SLC6A4: variants seen among roughly 807,000 people sequenced by gnomAD.
The protein encoded by SLC6A4 is sodium-dependent serotonin transporter.
In SLC6A4, 22 loss-of-function variants were observed where a neutral mutation model predicts 73.4. The ratio of observed to expected loss-of-function variants is 0.30; its 90% CI spans 0.21 to 0.43. The LOEUF is 0.43. Ranked by LOEUF, SLC6A4 falls within the 20% of genes least tolerant of loss-of-function variation. SLC6A4 has a pLI of 1.00. For synonymous variants in SLC6A4, 270 were observed against 315.5 expected (o/e 0.86, Z 1.53); for missense variants, 593 against 808.5 (o/e 0.73, Z 3.23).
intron 1 of SLC6A4, among the ~76,000 whole-genome samples, chr17:30,233,027 C>T (rs1372053280): frequency 1.3e-5 from 2 of 152,206 alleles, no homozygotes; most frequent in South Asian, 2.1e-4. Flanking sequence ...CATCTGTTTT[C>T]CCCTGGGTCC....
Position 30,217,292 on chromosome 17 carries a change from C to T in SLC6A4, c.711G>A (p.Leu237=), listed in dbSNP as rs1212190820. ...GGAGCCCCTTAGACCGGTGGATCTGCAGGACGTGGCGCCTGGGGTGAAGGA... is the reference window on the plus strand; with the variant it reads ...GGAGCCCCTTAGACCGGTGGATCTGTAGGACGTGGCGCCTGGGGTGAAGGA... The part of the protein sequence containing the change: ...PAEEFYTRHV[L]QIHRSKGLQD... The change falls in exon 6 of 15, where the codon CTG becomes CTA. Residue 237 remains leucine, a synonymous_variant. Coordinates refer to ENST00000650711, the MANE Select transcript of SLC6A4 (RefSeq NM_001045.6). The T allele has an allele frequency of 3.1e-6, 5 of 1,613,632 alleles. No individual in the cohort carries two copies. The East Asian group carries it at 1.1e-4, about 36-fold the overall frequency.
intron 3 of SLC6A4, among the ~76,000 whole-genome samples, chr17:30,219,470 T>C (rs1262612564): frequency 6.6e-6 from 1 of 152,202 alleles, no homozygotes; most frequent in African/African-American, 2.4e-5. Flanking sequence ...TGTGACAATC[T>C]GTAGCAACAG....
rs775283583 is a variant in SLC6A4, at chr17:30,217,235, G to A, written c.768C>T (p.Ala256=). ...QDLGGISWQL[A]LCIMLIFTVI... ...CAGTGAAGATCAGCATGATGCAGAGGGCCAGCTGCCAGCTGATGCCCCCCA... is the reference window on the plus strand; with the variant it reads ...CAGTGAAGATCAGCATGATGCAGAGAGCCAGCTGCCAGCTGATGCCCCCCA... Residue 256 remains alanine, a synonymous_variant, in exon 6 of 15, where the codon GCC becomes GCT. Coordinates refer to ENST00000650711, the MANE Select transcript of SLC6A4 (RefSeq NM_001045.6). 7 of 1,614,012 alleles carry A rather than the reference G, an allele frequency of 4.3e-6. No homozygotes were observed. The highest frequency in any genetic ancestry group is 4.5e-5 in the East Asian group (2 of 44,890).
At chr17:30,225,681 T>C (rs923849695) in intron 1 of SLC6A4, among the ~76,000 whole-genome samples, 4 of 152,180 alleles carry the variant, frequency 2.6e-5, no homozygotes, top group Non-Finnish European at 4.4e-5. Context: ...TGTTCCAGGC[T>C]GAGCTGGTGA....
intron 14 of SLC6A4, among the ~76,000 whole-genome samples, chr17:30,200,964 T>C (rs1033194779): frequency 6.6e-6 from 1 of 152,070 alleles, no homozygotes; most frequent in Non-Finnish European, 1.5e-5. Context: ...GCATTTTTAG[T>C]AGAGACGGGG....
intron 1 of SLC6A4, among the ~76,000 whole-genome samples, chr17:30,229,613 T>C (rs1003311507): frequency 1.3e-5 from 2 of 152,100 alleles, no homozygotes; most frequent in Non-Finnish European, 2.9e-5. Context: ...GAGATCTCGC[T>C]ATGTTGCCCA....
At chr17:30,209,042 G>T in intron 12 of SLC6A4, 101 bp downstream of exon 12, 1 of 785,558 alleles carries the variant, frequency 1.3e-6, no homozygotes. Context: ...GTCACATCTT[G>T]TAAACTGCCC....
intron 6 of SLC6A4, among the ~76,000 whole-genome samples, chr17:30,216,843 TTTTGTTTG>T (rs147069304): frequency 0.014 from 2,050 of 148,476 alleles, 46 homozygotes; most frequent in African/African-American, 0.048. Context: ...TATTGTTTTT[TTTTGTTTG>T]TTTGTTTGTT....
intron 1 of SLC6A4, among the ~76,000 whole-genome samples, chr17:30,230,320 T>C (rs1436269315): frequency 1.3e-5 from 2 of 152,146 alleles, no homozygotes; most frequent in Admixed American, 1.3e-4. Context: ...ACAGATGATG[T>C]GTTAGATTAA....
rs1379480692 is a variant in SLC6A4 at position 30,198,223 on chromosome 17, T to C, written c.*233A>G. 3 of 415,598 alleles carry C rather than the reference T, an allele frequency of 7.2e-6. No homozygotes were observed. The highest frequency in any genetic ancestry group is 3.6e-5 in the East Asian group (1 of 28,060). 25.7% of individuals were successfully genotyped at this position (415,598 alleles called of 1,614,324 possible). On this transcript the variant is annotated 3_prime_UTR_variant, in exon 15 of 15. Transcript: ENST00000650711. ...CATCCACATCCTCACACGTCCAAAATAGGCCAGCTCAGCTGTGTCACAGTC... is the reference window on the plus strand; with the variant it reads ...CATCCACATCCTCACACGTCCAAAACAGGCCAGCTCAGCTGTGTCACAGTC...
intron 1 of SLC6A4, among the ~76,000 whole-genome samples, chr17:30,233,830 G>A (rs959628118): frequency 3.3e-5 from 5 of 152,138 alleles, no homozygotes; most frequent in African/African-American, 1.2e-4. Flanking sequence ...AGCTTCTTCA[G>A]GAAGCCCTGC....
intron 1 of SLC6A4, among the ~76,000 whole-genome samples, chr17:30,226,583 T>C (rs931962373): frequency 1.3e-5 from 2 of 151,986 alleles, no homozygotes; most frequent in African/African-American, 2.4e-5. Flanking sequence ...GCCTGTAATC[T>C]CAGCTACTTG....
At chr17:30,230,100 A>AAGAAGAAGAAGAAGAAGAAGG (rs1907055234) in intron 1 of SLC6A4, among the ~76,000 whole-genome samples, 1 of 126,618 alleles carries the variant, frequency 7.9e-6, no homozygotes, top group African/African-American at 3.4e-5. Flanking sequence ...GAAGAAGAGG[A>AAGAAGAAGAAGAAGAAGAAGG]GGAAGAGGAA....
At chr17:30,206,767 G>A (rs1906218070) in intron 13 of SLC6A4, among the ~76,000 whole-genome samples, 1 of 125,466 alleles carries the variant, frequency 8.0e-6, no homozygotes. Flanking sequence ...CGCCCAGGCT[G>A]GAGTGCAATG....
intron 13 of SLC6A4, among the ~76,000 whole-genome samples, chr17:30,205,802 T>A (rs1567816028): frequency 1.3e-5 from 2 of 152,168 alleles, no homozygotes; most frequent in South Asian, 4.1e-4. Flanking sequence ...AGAACAAGCA[T>A]GTTGTCCATC....
At chr17:30,218,685 G>A (rs1463842679) in intron 4 of SLC6A4, 112 bp downstream of exon 4, 20 of 1,111,314 alleles carry the variant, frequency 1.8e-5, no homozygotes, top group Non-Finnish European at 2.7e-5. Flanking sequence ...CAGTCTCCCA[G>A]GGATGCCTAA....
intron 6 of SLC6A4, among the ~76,000 whole-genome samples, chr17:30,216,654 G>A (rs1906584642): frequency 6.6e-6 from 1 of 151,040 alleles, no homozygotes; most frequent in South Asian, 2.1e-4. Flanking sequence ...CCCATTTCTA[G>A]AAAATATTCT....
chr17:30,214,890 C>A (rs1323589846), intron 8 of SLC6A4, among the ~76,000 whole-genome samples: 4 of 152,012 alleles, frequency 2.6e-5, no homozygotes, highest in Non-Finnish European at 5.9e-5. Context: ...GCCTCGGCCT[C>A]CCAAAGTGTT....
In SLC6A4 at chr17:30,211,219, A is replaced by C; in HGVS notation, c.1317+93T>G. The C allele has an allele frequency of 2.5e-6, 2 of 805,228 alleles. No individual in the cohort carries two copies. The highest frequency in any genetic ancestry group is 2.1e-6 in the Non-Finnish European group (1 of 482,596). The allele number at this position is 805,228 out of a possible 1,614,324, so 49.9% of individuals were successfully genotyped here. A position where few individuals can be genotyped will look rare whatever the true frequency, so the allele number is the denominator to read the frequency against. On this transcript the variant is annotated intron_variant, in intron 10 of 14. Transcript: ENST00000650711. This position sits in a 1 kb window ranked among gnomAD's most constrained non-coding sequence, Gnocchi z 4.0. ...AAGGGAGTAGCCAAAGCTGCCTGGG[A>C]TGGCCAGGGATGGGAGGGAATTGAG...
Sources: gnomAD v4.1 joint callset for allele counts (sites outside exome capture counted in the v4.1 genomes callset) on GRCh38, gnomAD v4.1.1 for gene constraint, Gnocchi (gnomAD v3.1) non-coding constraint, MANE v1.5 for transcripts, NCBI Gene and HGNC (gene_info 2026-07-23, HGNC 2026-07-21) for gene names.